USP32: variants seen among roughly 807,000 people sequenced by gnomAD.
USP32 encodes the protein ubiquitin carboxyl-terminal hydrolase 32.
A neutral mutation model predicts 204.8 loss-of-function variants in USP32; 59 were observed. That is an observed-to-expected ratio of 0.29 (90% CI 0.23 to 0.36). The LOEUF (loss-of-function observed/expected upper bound fraction) is 0.36. Among genes scored for constraint, USP32 ranks in the 10% least tolerant of loss-of-function variants. The probability of loss-of-function intolerance (pLI) is 1.00; values close to 1 mark genes in which losing one functional copy is unlikely to be tolerated. For missense variants in USP32, 1,160 were observed against 1,946.4 expected, an observed-to-expected ratio of 0.60 and a Z score of 7.60; for synonymous variants, 517 against 678.4, an observed-to-expected ratio of 0.76 and a Z score of 3.70.
chr17:60,285,529 C>T (rs2087089124), intron 5 of USP32, among the ~76,000 whole-genome samples: 1 of 152,040 alleles, frequency 6.6e-6, no homozygotes, highest in Admixed American at 6.5e-5. Context: ...AGGCTTGGCC[C>T]AAGATTGGAA....
chr17:60,266,137 G>T, intron 7 of USP32, 46 bp from the exon 8 acceptor site: 1 of 1,456,584 alleles, frequency 6.9e-7, no homozygotes, highest in Non-Finnish European at 9.6e-7. Flanking sequence ...TTTGTATTCT[G>T]AGGTATAATA....
intron 1 of USP32, among the ~76,000 whole-genome samples, chr17:60,368,991 A>ATTTTTTTTTTTTTTTTTTTTTTTTTT (rs758528054): frequency 1.8e-5 from 2 of 114,132 alleles, no homozygotes; most frequent in African/African-American, 1.0e-4. Flanking sequence ...TTTTTAAAAG[A>ATTTTTTTTTTTTTTTTTTTTTTTTTT]TTTTTTTTTT....
rs190850240 is a variant in USP32, at chr17:60,410,251, T to C, written c.106+11995A>G. Among the ~76,000 whole-genome samples, 420 of 152,290 alleles carry C rather than the reference T, an allele frequency of 2.8e-3. 2 individuals carry two copies. The highest frequency in any genetic ancestry group is 4.1e-3 in the Non-Finnish European group (281 of 68,018). ...GAAGAAACTGGCTCATCTGGTCTTG[T>C]AACCTCCACCCAGAAACTGACTCAG... On this transcript the variant is annotated intron_variant, in intron 1 of 3. Transcript: ENST00000588898.
At chr17:60,372,923 C>A (rs1227244915) in intron 1 of USP32, among the ~76,000 whole-genome samples, 4 of 151,146 alleles carry the variant, frequency 2.6e-5, no homozygotes, top group Admixed American at 2.6e-4. Context: ...AATCTCAGAG[C>A]TCTGGGAGGC....
chr17:60,224,592 A>G (rs987239991), intron 13 of USP32, among the ~76,000 whole-genome samples: 5 of 152,186 alleles, frequency 3.3e-5, no homozygotes, highest in African/African-American at 1.2e-4. Flanking sequence ...TGCAACCAGC[A>G]CAGGCAACAT....
intron 12 of USP32, among the ~76,000 whole-genome samples, chr17:60,233,907 C>G (rs1406214542): frequency 6.6e-6 from 1 of 152,048 alleles, no homozygotes; most frequent in Non-Finnish European, 1.5e-5. Context: ...TAAAGCGATA[C>G]TCCTCTCCTC....
intron 5 of USP32, among the ~76,000 whole-genome samples, chr17:60,282,050 T>C (rs2086979910): frequency 6.6e-6 from 1 of 152,146 alleles, no homozygotes; most frequent in Non-Finnish European, 1.5e-5. Context: ...TGCCAGCAAA[T>C]AAGAATGTTA....
intron 1 of USP32, among the ~76,000 whole-genome samples, chr17:60,388,467 G>A (rs555292697): frequency 1.3e-5 from 2 of 152,054 alleles, no homozygotes; most frequent in Admixed American, 6.6e-5. Context: ...TTCACCGAAC[G>A]GTTTTTGAAT....
At chr17:60,238,242 G>C (rs779877303) in intron 11 of USP32, among the ~76,000 whole-genome samples, 7 of 151,956 alleles carry the variant, frequency 4.6e-5, no homozygotes, top group Non-Finnish European at 1.0e-4. Flanking sequence ...TTTTAAATTG[G>C]GTTGTTTGCT....
chr17:60,269,413 T>C (rs1378125665), intron 7 of USP32, 37 bp downstream of exon 7: 1 of 1,503,670 alleles, frequency 6.7e-7, no homozygotes, highest in Non-Finnish European at 9.2e-7. Flanking sequence ...TCTCTCTACA[T>C]AGTTTGCAAT....
At chr17:60,292,062 C>T (rs2087292596) in intron 4 of USP32, among the ~76,000 whole-genome samples, 1 of 151,956 alleles carries the variant, frequency 6.6e-6, no homozygotes, top group Admixed American at 6.6e-5. Context: ...GATCACTTCT[C>T]AGTGATCAAA....
At chr17:60,300,254 C>T (rs2087539559) in intron 3 of USP32, among the ~76,000 whole-genome samples, 1 of 152,242 alleles carries the variant, frequency 6.6e-6, no homozygotes, top group South Asian at 2.1e-4. Flanking sequence ...CTTATGAATG[C>T]TTTTGGTAAG....
chr17:60,236,300 AAAAAT>A (rs2085723714), intron 11 of USP32, 60 bp from the exon 12 acceptor site: 1 of 1,383,732 alleles, frequency 7.2e-7, no homozygotes, highest in Non-Finnish European at 1.0e-6. Flanking sequence ...GGCAACGCAC[AAAAAT>A]TATCATTAGA....
intron 7 of USP32, among the ~76,000 whole-genome samples, chr17:60,268,523 C>T (rs184213569): frequency 7.0e-6 from 1 of 142,700 alleles, no homozygotes; most frequent in Non-Finnish European, 1.5e-5. Flanking sequence ...CAGTGAGCTA[C>T]GATCACACCA....
intron 1 of USP32, among the ~76,000 whole-genome samples, chr17:60,378,347 G>T (rs970391083): frequency 2.6e-5 from 4 of 152,152 alleles, no homozygotes; most frequent in African/African-American, 9.6e-5. Context: ...ATTGCTGGTG[G>T]AAATATAAAA....
chr17:60,226,488 G>A (rs1234309358), intron 12 of USP32, among the ~76,000 whole-genome samples: 2 of 152,050 alleles, frequency 1.3e-5, no homozygotes, highest in African/African-American at 4.8e-5. Context: ...ACTCTATTCT[G>A]TTGGCAGCCA....
At chr17:60,392,246 C>T (rs1567893837), upstream of USP32, 1 of 449,220 alleles carries the variant, frequency 2.2e-6, no homozygotes, top group Non-Finnish European at 4.0e-6. Flanking sequence ...CCCCCTCCCG[C>T]CAGCTCCGCC....
intron 29 of USP32, among the ~76,000 whole-genome samples, chr17:60,188,016 T>C (rs2084292849): frequency 6.6e-6 from 1 of 152,192 alleles, no homozygotes; most frequent in Non-Finnish European, 1.5e-5. Context: ...GTTCTTGCTC[T>C]GTTACCCAGG....
chr17:60,203,301 T>G (rs964742767), intron 26 of USP32, among the ~76,000 whole-genome samples: 9 of 146,796 alleles, frequency 6.1e-5, no homozygotes, highest in African/African-American at 2.3e-4. Context: ...CTTGGGAGGC[T>G]GAGGCAGGAG....
Sources: gnomAD v4.1 joint callset for allele counts (sites outside exome capture counted in the v4.1 genomes callset) on GRCh38, gnomAD v4.1.1 for gene constraint, MANE v1.5 for transcripts, NCBI Gene and HGNC (gene_info 2026-07-23, HGNC 2026-07-21) for gene names.